SUGCT: variants seen among roughly 807,000 people sequenced by gnomAD.
SUGCT encodes the protein succinyl-CoA:glutarate CoA-transferase.
SUGCT carries 41 observed loss-of-function variants against 55.0 expected under a neutral mutation model. That is an observed-to-expected ratio of 0.74 (90% confidence interval 0.58 to 0.97). SUGCT has a LOEUF of 0.97. Among genes scored for constraint, SUGCT ranks in the 50% least tolerant of loss-of-function variants. SUGCT has a pLI of 0.00. For synonymous variants in SUGCT, 187 were observed against 200.4 expected (o/e 0.93, Z 0.56); for missense variants, 568 against 547.8 (o/e 1.04, Z -0.37).
chr7:40,844,389 C>T (rs1793450086), intron 13 of SUGCT, among the ~76,000 whole-genome samples: 1 of 152,008 alleles, frequency 6.6e-6, no homozygotes, highest in South Asian at 2.1e-4. Context: ...GGAAGTGGCT[C>T]TCAGTGGGAA....
the SUGCT span, among the ~76,000 whole-genome samples, chr7:41,019,252 G>A: frequency 6.6e-6 from 1 of 152,108 alleles, no homozygotes; most frequent in South Asian, 2.1e-4. Context: ...GTTGGATCCA[G>A]GTGTATATTA....
chr7:40,167,949 C>G (rs1784497253), intron 1 of SUGCT, among the ~76,000 whole-genome samples: 1 of 152,126 alleles, frequency 6.6e-6, no homozygotes, highest in Admixed American at 6.5e-5. Context: ...GGGAGGGGAC[C>G]CAAAGGGGGT....
chr7:40,609,553 A>G (rs1798680430), intron 12 of SUGCT, among the ~76,000 whole-genome samples: 1 of 150,520 alleles, frequency 6.6e-6, no homozygotes, highest in South Asian at 2.1e-4. Context: ...TCCATCTCAA[A>G]AAAAAAAAAA....
intron 6 of SUGCT, among the ~76,000 whole-genome samples, chr7:40,235,309 T>C (rs1367570404): frequency 6.6e-6 from 1 of 152,122 alleles, no homozygotes; most frequent in African/African-American, 2.4e-5. Context: ...TTTTTATAGA[T>C]TGTTTTTGAA....
At chr7:41,034,968 T>C in the SUGCT span, among the ~76,000 whole-genome samples, 1 of 152,172 alleles carries the variant, frequency 6.6e-6, no homozygotes, top group African/African-American at 2.4e-5. Context: ...CTGGCTGGAC[T>C]CCCTATTTCT....
downstream of SUGCT, among the ~76,000 whole-genome samples, chr7:40,861,441 G>C (rs1249205874): frequency 6.6e-6 from 1 of 152,164 alleles, no homozygotes; most frequent in African/African-American, 2.4e-5. Flanking sequence ...GGTGAGAAAT[G>C]ATTAGGACGT....
chr7:40,919,202 C>A, the SUGCT span, among the ~76,000 whole-genome samples: 1 of 152,208 alleles, frequency 6.6e-6, no homozygotes, highest in African/African-American at 2.4e-5. Context: ...TCTCCTCAGG[C>A]TTCCACTCAT....
chr7:40,152,588 G>A (rs1328703581), intron 1 of SUGCT: 1 of 189,598 alleles, frequency 5.3e-6, no homozygotes, highest in Non-Finnish European at 1.3e-5. Flanking sequence ...ATTTGTGGTT[G>A]TTCAGGAGTT....
At chr7:40,940,365 C>CT in the SUGCT span, among the ~76,000 whole-genome samples, 1 of 151,768 alleles carries the variant, frequency 6.6e-6, no homozygotes, top group Non-Finnish European at 1.5e-5. Flanking sequence ...TATTTGGGCT[C>CT]TTTTTTTGGT....
intron 9 of SUGCT, among the ~76,000 whole-genome samples, chr7:40,408,101 G>T (rs1786480102): frequency 6.6e-6 from 1 of 152,024 alleles, no homozygotes; most frequent in Non-Finnish European, 1.5e-5. Flanking sequence ...TTAAAAGACA[G>T]TATTGCTAGA....
intron 6 of SUGCT, among the ~76,000 whole-genome samples, chr7:40,224,380 G>A (rs1054882929): frequency 6.7e-5 from 10 of 149,816 alleles, no homozygotes; most frequent in Non-Finnish European, 1.2e-4. Context: ...AAGTCTTCTA[G>A]GATTTAGGAT....
At chr7:40,349,666 A>C (rs554809164) in intron 9 of SUGCT, among the ~76,000 whole-genome samples, 2 of 148,296 alleles carry the variant, frequency 1.3e-5, no homozygotes, top group African/African-American at 5.0e-5. Context: ...TCCTCTAAGA[A>C]GTTCTTCTTA....
At chr7:40,411,669 C>T (rs763799109) in intron 9 of SUGCT, among the ~76,000 whole-genome samples, 2 of 152,052 alleles carry the variant, frequency 1.3e-5, no homozygotes, top group African/African-American at 2.4e-5. Flanking sequence ...TACAACTATA[C>T]AGTTAGATAG....
intron 8 of SUGCT, among the ~76,000 whole-genome samples, chr7:40,302,432 C>T (rs1794591525): frequency 2.0e-5 from 3 of 152,158 alleles, no homozygotes; most frequent in African/African-American, 4.8e-5. Flanking sequence ...TGAAAGGTGC[C>T]TTCCAACAAC....
chr7:40,921,560 AC>A, the SUGCT span, among the ~76,000 whole-genome samples: 1 of 152,174 alleles, frequency 6.6e-6, no homozygotes, highest in Non-Finnish European at 1.5e-5. Context: ...AATACTCTTC[AC>A]CTCGAAGAAC....
intron 8 of SUGCT, among the ~76,000 whole-genome samples, chr7:40,278,771 A>T: frequency 6.9e-6 from 1 of 145,200 alleles, no homozygotes; most frequent in Non-Finnish European, 1.5e-5. Flanking sequence ...CCTCCCTTTT[A>T]TCCATCCTTC....
intron 5 of SUGCT, 65 bp downstream of exon 5, chr7:40,189,659 G>T: frequency 1.1e-6 from 1 of 905,154 alleles, no homozygotes; most frequent in Non-Finnish European, 1.6e-6. Flanking sequence ...GAATATCAGA[G>T]CAAAAGTGTT....
chr7:40,646,803 G>C (rs1271210571), intron 12 of SUGCT, among the ~76,000 whole-genome samples: 1 of 151,886 alleles, frequency 6.6e-6, no homozygotes, highest in Non-Finnish European at 1.5e-5. Context: ...GGATCATTCT[G>C]TATTTGTTTA....
the SUGCT span, among the ~76,000 whole-genome samples, chr7:41,035,540 GGT>G: frequency 6.6e-6 from 1 of 152,096 alleles, no homozygotes; most frequent in South Asian, 2.1e-4. Flanking sequence ...TCTGGCCTGA[GGT>G]GTTCACATTT....
Sources: allele counts gnomAD v4.1 joint callset (sites outside exome capture counted in the v4.1 genomes callset), GRCh38; gene constraint gnomAD v4.1.1; transcripts MANE v1.5; gene names NCBI Gene and HGNC (gene_info 2026-07-23, HGNC 2026-07-21).